Variants in FLI1 observed in about 807,000 individuals in gnomAD.
The protein encoded by FLI1 is Fli-1 proto-oncogene, ETS transcription factor.
In FLI1, 13 loss-of-function variants were observed where a neutral mutation model predicts 53.1. The ratio of observed to expected loss-of-function variants is 0.24; its 90% CI spans 0.16 to 0.39. The LOEUF is 0.39. Among genes scored for constraint, FLI1 ranks in the 10% least tolerant of loss-of-function variants. The pLI is 1.00. For synonymous variants in FLI1, 244 were observed against 236.7 expected (o/e 1.03, Z -0.28); for missense variants, 424 against 600.5 (o/e 0.71, Z 3.07).
intron 5 of FLI1, among the ~76,000 whole-genome samples, chr11:128,798,428 C>T (rs1389004339): frequency 1.3e-5 from 2 of 152,142 alleles, no homozygotes; most frequent in Admixed American, 6.5e-5. Flanking sequence ...AAGGCTGTGC[C>T]CAGAGAATGT....
At chr11:128,738,798 G>A (rs1940011336) in intron 1 of FLI1, among the ~76,000 whole-genome samples, 1 of 152,198 alleles carries the variant, frequency 6.6e-6, no homozygotes, top group South Asian at 2.1e-4. Context: ...GTGCAGCTCT[G>A]TGAAGACATC....
intron 5 of FLI1, among the ~76,000 whole-genome samples, chr11:128,795,876 G>A (rs925055230): frequency 1.2e-4 from 18 of 152,156 alleles, no homozygotes; most frequent in African/African-American, 4.3e-4. Context: ...TATGCATGGT[G>A]TCATTTATTC....
chr11:128,706,791 G>C (rs1295210225), intron 1 of FLI1, among the ~76,000 whole-genome samples: 1 of 152,186 alleles, frequency 6.6e-6, no homozygotes, highest in Non-Finnish European at 1.5e-5. Context: ...ATGGGTAAGT[G>C]AGTAATCATG....
At chr11:128,745,006 A>G (rs1054331737) in intron 1 of FLI1, among the ~76,000 whole-genome samples, 3 of 152,172 alleles carry the variant, frequency 2.0e-5, no homozygotes, top group East Asian at 1.9e-4. Flanking sequence ...GGTGTTCAAC[A>G]GTTTGGTGAA....
In FLI1 at chr11:128,781,313, A is replaced by T. The variant is rs570972993; in HGVS notation, c.590-645A>T. ...CACCTGTGAAAGGACCCATATGTAC[A>T]TAAACCCAGAAGATACCACAGCAGG... On this transcript the variant is annotated intron_variant, in intron 4 of 8. Coordinates refer to ENST00000527786, the MANE Select transcript of FLI1 (RefSeq NM_002017.5). Among the ~76,000 whole-genome samples the T allele has an allele frequency of 6.6e-5, 10 of 152,334 alleles. 1 individual carries two copies. Among genetic ancestry groups the T allele is most frequent in the African/African-American group, 2.4e-4 (10 of 41,578 alleles).
intron 1 of FLI1, among the ~76,000 whole-genome samples, chr11:128,752,277 C>T (rs1940680204): frequency 6.6e-6 from 1 of 152,172 alleles, no homozygotes; most frequent in Non-Finnish European, 1.5e-5. Context: ...TGCCTGGCCA[C>T]ATTTTTAAGT....
intron 1 of FLI1, among the ~76,000 whole-genome samples, chr11:128,705,861 A>T (rs973792385): frequency 6.6e-6 from 1 of 151,814 alleles, no homozygotes; most frequent in Non-Finnish European, 1.5e-5. Context: ...ATTATTTTAA[A>T]TTTTTCATTC....
intron 1 of FLI1, among the ~76,000 whole-genome samples, chr11:128,742,637 C>T (rs1940188091): frequency 1.3e-5 from 2 of 152,252 alleles, no homozygotes; most frequent in Admixed American, 6.5e-5. Flanking sequence ...AATAGCCTCA[C>T]AAGGCGAGTT....
chr11:128,732,763 C>A (rs932273941), intron 1 of FLI1, among the ~76,000 whole-genome samples: 4 of 152,184 alleles, frequency 2.6e-5, no homozygotes, highest in African/African-American at 7.2e-5. Flanking sequence ...TTCTAAAAAA[C>A]CAACTAGTTA....
At chr11:128,696,100 G>C (rs1284867588) in intron 1 of FLI1, 3 of 152,272 alleles carry the variant, frequency 2.0e-5, no homozygotes, top group African/African-American at 7.2e-5. Context: ...CACAGGGATT[G>C]GCATGGCAGG....
At chr11:128,741,417 A>T in intron 1 of FLI1, among the ~76,000 whole-genome samples, 1 of 152,212 alleles carries the variant, frequency 6.6e-6, no homozygotes. Flanking sequence ...AATAAATAAA[A>T]TAAGACACAG....
intron 3 of FLI1, among the ~76,000 whole-genome samples, chr11:128,770,710 G>A (rs150857888): frequency 1.4e-3 from 211 of 152,342 alleles, no homozygotes; most frequent in African/African-American, 5.0e-3. Context: ...CTAAAAGTGA[G>A]GAACTGGGAG....
At chr11:128,773,039 C>T in intron 4 of FLI1, 54 bp downstream of exon 4, 1 of 1,528,152 alleles carries the variant, frequency 6.5e-7, no homozygotes, top group Non-Finnish European at 9.0e-7. Context: ...TGGAGCCAAC[C>T]CAGGGAGAGG....
chr11:128,799,550 A>G (rs1019387256), intron 5 of FLI1, among the ~76,000 whole-genome samples: 5 of 152,206 alleles, frequency 3.3e-5, no homozygotes, highest in South Asian at 4.1e-4. Context: ...CACAAGGCCA[A>G]TGGCGGAGCT....
chr11:128,689,108 C>A (rs535732867), upstream of FLI1, among the ~76,000 whole-genome samples: 384 of 152,282 alleles, frequency 2.5e-3, 2 homozygotes, highest in African/African-American at 8.7e-3. Context: ...GACAGTGAGG[C>A]ACAGGGAGGT....
At chr11:128,795,702 C>T (rs889751960) in intron 5 of FLI1, among the ~76,000 whole-genome samples, 9 of 152,026 alleles carry the variant, frequency 5.9e-5, no homozygotes, top group Non-Finnish European at 1.2e-4. Flanking sequence ...AGGCACCCAC[C>T]ACCACGCCCA....
intron 1 of FLI1, among the ~76,000 whole-genome samples, chr11:128,728,085 T>G (rs1939554570): frequency 6.6e-6 from 1 of 152,248 alleles, no homozygotes; most frequent in African/African-American, 2.4e-5. Context: ...CCCTTGGGCC[T>G]TCAGCAGAGT....
chr11:128,732,277 G>A (rs980606548), intron 1 of FLI1, among the ~76,000 whole-genome samples: 1 of 152,182 alleles, frequency 6.6e-6, no homozygotes, highest in African/African-American at 2.4e-5. Context: ...GGACATCTAA[G>A]GTAGAACCGT....
intron 1 of FLI1, among the ~76,000 whole-genome samples, chr11:128,715,478 G>C (rs981528943): frequency 6.6e-6 from 1 of 152,208 alleles, no homozygotes; most frequent in African/African-American, 2.4e-5. Flanking sequence ...AATGACATTT[G>C]CAGAGCCCCT....
Sources: gnomAD v4.1 joint callset for allele counts (sites outside exome capture counted in the v4.1 genomes callset) on GRCh38, gnomAD v4.1.1 for gene constraint, MANE v1.5 for transcripts, NCBI Gene and HGNC (gene_info 2026-07-23, HGNC 2026-07-21) for gene names.